Variants in PHRF1 observed in about 807,000 individuals in gnomAD.
PHRF1 encodes the protein PHD and ring finger domains 1.
PHRF1 carries 53 observed loss-of-function variants against 128.9 expected under a neutral mutation model. That is an observed-to-expected ratio of 0.41 (90% confidence interval 0.33 to 0.52). The LOEUF is 0.52. Among genes scored for constraint, PHRF1 ranks in the 20% least tolerant of loss-of-function variants. The pLI, the probability that PHRF1 is intolerant of heterozygous loss-of-function variation, is 0.21. For synonymous variants in PHRF1, 1,178 were observed against 980.6 expected, an observed-to-expected ratio of 1.20 and a Z score of -3.76; for missense variants, 2,503 against 2,284.5, an observed-to-expected ratio of 1.10 and a Z score of -1.95.
In PHRF1 at chr11:608,772, A is replaced by G; in HGVS notation, c.3316A>G (p.Ser1106Gly). ...CAGCTCTTCCTATGAGCACTATGAG[A>G]GTAGGAAGAAGAAGAAAAGGAGATC... ...PGSSSYEHYESRKKKKRRSAS... is the reference protein window; with the variant it reads ...PGSSSYEHYEGRKKKKRRSAS... Residue 1106 changes from serine to glycine, a missense_variant, in exon 14 of 18, where the codon AGT (serine) becomes GGT (glycine). Transcript: ENST00000264555. The G allele has an allele frequency of 1.2e-6, 2 of 1,611,532 alleles. No individual in the cohort carries two copies. Among genetic ancestry groups the G allele is most frequent in the South Asian group, 2.2e-5 (2 of 91,006 alleles).
chr11:590,063 A>G (rs927727195), intron 4 of PHRF1, among the ~76,000 whole-genome samples: 1 of 151,946 alleles, frequency 6.6e-6, no homozygotes, highest in African/African-American at 2.4e-5. Flanking sequence ...GAATGTCTGC[A>G]AACGGGCATG....
chr11:611,940 T>C lies in PHRF1; in HGVS notation c.*163T>C, dbSNP rs1856432999. ...ATCACCATGCCTGCCGTCGGGTTCC[T>C]GCGCTGACACCTGGTCTGTGCACCT... On this transcript the variant is annotated 3_prime_UTR_variant, in exon 18 of 18. Coordinates refer to ENST00000264555, the MANE Select transcript of PHRF1 (RefSeq NM_001286581.2). 1 of 1,153,686 alleles carries C rather than the reference T, an allele frequency of 8.7e-7. No homozygotes were observed. The highest frequency in any genetic ancestry group is 2.6e-5 in the Admixed American group (1 of 38,078). 71.5% of individuals were successfully genotyped at this position (1,153,686 alleles called of 1,614,324 possible). A position where few individuals can be genotyped will look rare whatever the true frequency, so the allele number is the denominator to read the frequency against.
intron 1 of PHRF1, 29 bp from the exon 2 acceptor site, chr11:581,463 G>C: frequency 6.2e-7 from 1 of 1,601,298 alleles, no homozygotes; most frequent in Non-Finnish European, 8.5e-7. Context: ...GGGACAGTTT[G>C]GAAGTTGCTT....
chr11:607,994 C>T lies in PHRF1; in HGVS notation c.2538C>T (p.Ser846=). 6.2e-7 allele frequency: 1 copy of T among 1,611,234 alleles called. No individual in the cohort carries two copies. Among genetic ancestry groups the T allele is most frequent in the Non-Finnish European group, 8.5e-7 (1 of 1,179,810 alleles). The change falls in exon 14 of 18, where the codon AGC becomes AGT. Residue 846 remains serine, a synonymous_variant. Transcript: ENST00000264555. ...TGSDSSAPGS[S]PERSGPGLLP... ...CCGACTCCAGCGCCCCTGGCAGCAG[C>T]CCCGAGAGGTCTGGCCCCGGCCTCC...
chr11:582,222 T>C, intron 3 of PHRF1, 141 bp downstream of exon 3: 1 of 1,281,800 alleles, frequency 7.8e-7, no homozygotes, highest in South Asian at 1.5e-5. Context: ...GGCCTTATAT[T>C]CAGCTGTGGT....
chr11:601,435 A>C, intron 9 of PHRF1, 139 bp from the exon 10 acceptor site: 2 of 1,290,326 alleles, frequency 1.5e-6, no homozygotes, highest in East Asian at 2.4e-5. Flanking sequence ...TCTCAAAAAA[A>C]AAAAAAAAAA....
chr11:601,493 C>T lies in PHRF1; in HGVS notation c.1025-81C>T, dbSNP rs897415975. On this transcript the variant is annotated intron_variant, in intron 9 of 17. Transcript: ENST00000264555. ...CCCGCTGTACCGGCTCCTTGGGCTC[C>T]GTCCACTGGGCTGGACTCACAGGAA... 1.8e-5 allele frequency: 28 copies of T among 1,573,368 alleles called. No homozygotes were observed. The African/African-American group carries it at 2.2e-4, about 12-fold the overall frequency.
Position 592,665 on chromosome 11 carries a change from G to A in PHRF1, c.611G>A (p.Cys204Tyr), listed in dbSNP as rs769195268. 1.2e-6 allele frequency: 2 copies of A among 1,614,044 alleles called. No individual in the cohort carries two copies. Among genetic ancestry groups the A allele is most frequent in the South Asian group, 1.1e-5 (1 of 91,088 alleles). Residue 204 changes from cysteine (C) to tyrosine (Y), a missense_variant, in exon 6 of 18, where the codon TGC (cysteine) becomes TAC (tyrosine). By Grantham distance (194) the Cys-to-Tyr change is radical. Coordinates refer to ENST00000264555, the MANE Select transcript of PHRF1 (RefSeq NM_001286581.2). ...REDRLLLCDG[C>Y]DAGYHMECLD... is the part of the protein sequence containing the mutation. ...GACAGGCTTTTGCTCTGCGACGGCT[G>A]CGATGCGGGGTAAGGGACGGTTGGG...
intron 1 of PHRF1, among the ~76,000 whole-genome samples, chr11:578,176 C>T (rs754668722): frequency 1.2e-4 from 19 of 152,206 alleles, no homozygotes; most frequent in Non-Finnish European, 2.6e-4. Context: ...AACTACAGGT[C>T]CTGGTGGTCC....
In PHRF1 at chr11:607,638, C is replaced by T. The variant is rs768442461; in HGVS notation, c.2182C>T (p.Arg728Trp). The T allele has an allele frequency of 5.1e-5, 83 of 1,611,796 alleles. No individual in the cohort carries two copies. The highest frequency in any genetic ancestry group is 6.6e-5 in the South Asian group (6 of 91,038). Reference sequence around the variant, plus strand: ...CACCGGGCAGCCAGGGCGAGGCACACGGGCAGAGAGCGAGGCCAGCAGCAG... The same window carrying T: ...CACCGGGCAGCCAGGGCGAGGCACATGGGCAGAGAGCGAGGCCAGCAGCAG... ...EGTGQPGRGT[R>W]AESEASSRVP... The change falls in exon 14 of 18, where the codon CGG becomes TGG. Residue 728 changes from arginine to tryptophan, a missense_variant. Transcript: ENST00000264555.
At position 587,492 on chromosome 11, in the gene PHRF1, C is replaced by T. The variant is rs924714379; in HGVS notation, c.420+28C>T. 17 of 1,609,098 alleles carry T rather than the reference C, an allele frequency of 1.1e-5. No individual in the cohort carries two copies. The African/African-American group carries it at 1.3e-4, about 13-fold the overall frequency. On this transcript the variant is annotated intron_variant, in intron 4 of 17. Transcript: ENST00000264555. The stretch of plus-strand genomic sequence containing the variant: ...GAGTTCACCTCTGGTTGGGTGCTTC[C>T]TCCCTTCAGGATGGCCTCCCTGTTT...
intron 4 of PHRF1, among the ~76,000 whole-genome samples, chr11:588,876 G>A (rs1192724620): frequency 6.6e-6 from 1 of 152,014 alleles, no homozygotes; most frequent in East Asian, 1.9e-4. Context: ...AGTGGCTCAC[G>A]CCTGTAATCT....
At chr11:605,778 T>C (rs1222662052) in intron 12 of PHRF1, 54 bp downstream of exon 12, 1 of 1,555,854 alleles carries the variant, frequency 6.4e-7, no homozygotes, top group Non-Finnish European at 8.6e-7. Flanking sequence ...GGGCATCGGA[T>C]GGGAGTTCTA....
At chr11:578,569 C>G (rs372660676) in intron 1 of PHRF1, among the ~76,000 whole-genome samples, 6 of 152,238 alleles carry the variant, frequency 3.9e-5, no homozygotes, top group Admixed American at 3.9e-4. Flanking sequence ...CCACCTAACC[C>G]TTGGAGGTGG....
chr11:589,322 C>G (rs1854781824), intron 4 of PHRF1, among the ~76,000 whole-genome samples: 1 of 152,194 alleles, frequency 6.6e-6, no homozygotes, highest in Non-Finnish European at 1.5e-5. Context: ...TTCGAGACAT[C>G]TTGCTCCATA....
Position 605,685 on chromosome 11 carries a change from A to G in PHRF1, c.1415A>G (p.His472Arg). 2 of 1,613,082 alleles carry G rather than the reference A, an allele frequency of 1.2e-6. No homozygotes were observed. Among genetic ancestry groups the G allele is most frequent in the Non-Finnish European group, 1.7e-6 (2 of 1,179,858 alleles). The change falls in exon 12 of 18, where the codon CAC becomes CGC. Residue 472 changes from histidine (H) to arginine (R), a missense_variant. His to Arg is a conservative substitution (Grantham distance 29, BLOSUM62 0). Coordinates refer to ENST00000264555, the MANE Select transcript of PHRF1 (RefSeq NM_001286581.2). ...CTGTCCCGGTCAGCCCTGCAGTCCC[A>G]CCAGCCCGTGGCCAGGCCCGTCTCC... Reference protein sequence around the residue: ...RALSRSALQSHQPVARPVSVG... With the variant: ...RALSRSALQSRQPVARPVSVG...
In PHRF1 at chr11:606,559, C is replaced by T. The variant is rs372910639; in HGVS notation, c.1572C>T (p.Ile524=). ...TGATGCTGGGCAGCAGTGATGTCAT[C>T]ATCCACCGCGACGGCTCCCTCAGCG... ...SLLMLGSSDV[I]IHRDGSLSAK... is the part of the protein sequence containing the mutation. Residue 524 remains isoleucine, a synonymous_variant, in exon 13 of 18, where the codon ATC becomes ATT. Coordinates refer to ENST00000264555, the MANE Select transcript of PHRF1 (RefSeq NM_001286581.2). 4 of 1,609,268 alleles carry T rather than the reference C, an allele frequency of 2.5e-6. No individual in the cohort carries two copies. Among genetic ancestry groups the T allele is most frequent in the African/African-American group, 2.7e-5 (2 of 74,922 alleles).
In PHRF1 at chr11:578,206, G is replaced by A. The variant is rs1564834563; in HGVS notation, c.-22+1614G>A. 3.9e-5 allele frequency among the ~76,000 whole-genome samples: 6 copies of A among 152,206 alleles called. No individual in the cohort carries two copies. The South Asian group carries it at 1.2e-3, about 31-fold the overall frequency. Reference sequence around the variant, plus strand: ...TGGTCCCAAACAGGTCTTGTGCCTGGTGCTTGTGCCAGAGGGTACCTGCGG... The same window carrying A: ...TGGTCCCAAACAGGTCTTGTGCCTGATGCTTGTGCCAGAGGGTACCTGCGG... On this transcript the variant is annotated intron_variant, in intron 1 of 17. Transcript: ENST00000264555.
Position 611,986 on chromosome 11 carries a change from C to G in PHRF1, c.*209C>G. 1.4e-6 allele frequency: 1 copy of G among 713,586 alleles called. No homozygotes were observed. The highest frequency in any genetic ancestry group is 3.0e-5 in the Admixed American group (1 of 33,464). 44.2% of individuals were successfully genotyped at this position (713,586 alleles called of 1,614,324 possible). On this transcript the variant is annotated 3_prime_UTR_variant, in exon 18 of 18. Transcript: ENST00000264555. Reference sequence around the variant, plus strand: ...CACCTGTGTTGCTCACAGTTGAAAACTGGACACTTTTGTATGTATATTATA... The same window carrying G: ...CACCTGTGTTGCTCACAGTTGAAAAGTGGACACTTTTGTATGTATATTATA...
Sources: allele counts gnomAD v4.1 joint callset (sites outside exome capture counted in the v4.1 genomes callset), GRCh38; gene constraint gnomAD v4.1.1; transcripts MANE v1.5; gene names NCBI Gene and HGNC (gene_info 2026-07-23, HGNC 2026-07-21).